Variants in CSMD1 observed in about 807,000 individuals in gnomAD.
The protein encoded by CSMD1 is CUB and Sushi multiple domains 1.
Under a neutral mutation model 417.5 loss-of-function variants are expected in CSMD1, and 213 were observed. The ratio of observed to expected loss-of-function variants is 0.51; its 90% CI spans 0.46 to 0.57. CSMD1 has a LOEUF of 0.57. Ranked by LOEUF, CSMD1 falls within the 20% of genes least tolerant of loss-of-function variation. The pLI is 0.00. For synonymous variants in CSMD1, 2,862 were observed against 1,736.8 expected (o/e 1.65, Z -16.11); for missense variants, 6,923 against 4,529.7 (o/e 1.53, Z -15.17).
At position 4,501,775 on chromosome 8, in the gene CSMD1, T is replaced by C. The variant is rs144701280; in HGVS notation, c.303-81710A>G. Among the ~76,000 whole-genome samples, 60 of 152,260 alleles carry C rather than the reference T, an allele frequency of 3.9e-4. No homozygotes were observed. In the East Asian group the frequency reaches 9.9e-3, roughly 25 times the overall value. On this transcript the variant is annotated intron_variant, in intron 2 of 69. Coordinates refer to ENST00000635120, the MANE Select transcript of CSMD1 (RefSeq NM_033225.6). The stretch of plus-strand genomic sequence containing the variant: ...CAGTAGTGCAGCATTTGTGTTCAAG[T>C]TGTCGTTATTTGACTTTATAACATG...
chr8:4,486,695 G>C (rs936132867), intron 2 of CSMD1, among the ~76,000 whole-genome samples: 1 of 151,962 alleles, frequency 6.6e-6, no homozygotes, highest in Non-Finnish European at 1.5e-5. Context: ...TTAAGCAAAA[G>C]TGAAATACAA....
At chr8:4,381,470 T>G (rs1803100804) in intron 3 of CSMD1, among the ~76,000 whole-genome samples, 1 of 152,180 alleles carries the variant, frequency 6.6e-6, no homozygotes, top group Non-Finnish European at 1.5e-5. Context: ...GTGCTAAAGA[T>G]CATTGTCTTC....
intron 1 of CSMD1, among the ~76,000 whole-genome samples, chr8:4,910,811 A>G (rs555294274): frequency 1.3e-5 from 2 of 152,338 alleles, no homozygotes; most frequent in South Asian, 2.1e-4. Flanking sequence ...CAATTGATAA[A>G]TGTCATTAGA....
intron 5 of CSMD1, among the ~76,000 whole-genome samples, chr8:3,835,763 C>T (rs544775276): frequency 1.1e-4 from 17 of 151,918 alleles, no homozygotes; most frequent in African/African-American, 4.1e-4. Context: ...ACCCTTAACC[C>T]CACCATTTGG....
intron 3 of CSMD1, among the ~76,000 whole-genome samples, chr8:4,036,685 A>G (rs1191277772): frequency 2.6e-5 from 4 of 152,230 alleles, no homozygotes. Flanking sequence ...ATGAAATTGC[A>G]TTTCTCATTG....
At chr8:3,084,595 T>C (rs1214447424) in intron 49 of CSMD1, among the ~76,000 whole-genome samples, 1 of 148,016 alleles carries the variant, frequency 6.8e-6, no homozygotes, top group East Asian at 2.0e-4. Context: ...ACTAAACAAA[T>C]AAAATCTCTC....
intron 3 of CSMD1, among the ~76,000 whole-genome samples, chr8:4,176,970 C>T (rs528494143): frequency 6.6e-5 from 10 of 151,718 alleles, no homozygotes; most frequent in African/African-American, 2.4e-4. Context: ...GACTCCCACA[C>T]AATAAAAATG....
chr8:4,577,823 G>C (rs1799207137), intron 2 of CSMD1, among the ~76,000 whole-genome samples: 1 of 152,070 alleles, frequency 6.6e-6, no homozygotes, highest in African/African-American at 2.4e-5. Flanking sequence ...TACATTCCTT[G>C]GCCTTGCATT....
At chr8:3,020,965 A>G (rs774093849) in intron 51 of CSMD1, among the ~76,000 whole-genome samples, 20 of 152,228 alleles carry the variant, frequency 1.3e-4, no homozygotes, top group Non-Finnish European at 2.4e-4. Flanking sequence ...TAAACTTTTC[A>G]TTAAGCCTTT....
chr8:3,133,473 C>T (rs768120561), intron 41 of CSMD1, among the ~76,000 whole-genome samples: 3 of 152,246 alleles, frequency 2.0e-5, no homozygotes, highest in East Asian at 1.9e-4. Context: ...GGAAGAGAGG[C>T]GCCCCTGGGA....
At chr8:3,654,235 T>C (rs995398531) in intron 7 of CSMD1, among the ~76,000 whole-genome samples, 1 of 152,182 alleles carries the variant, frequency 6.6e-6, no homozygotes, top group East Asian at 1.9e-4. Context: ...ATGTAAACCT[T>C]GGTTTTCAGG....
intron 3 of CSMD1, among the ~76,000 whole-genome samples, chr8:4,163,701 T>G (rs556515538): frequency 2.0e-5 from 3 of 152,258 alleles, no homozygotes; most frequent in Admixed American, 2.0e-4. Flanking sequence ...ATAATAAAAT[T>G]TTTTTATGGT....
At chr8:3,170,883 A>T (rs1435218022) in intron 37 of CSMD1, among the ~76,000 whole-genome samples, 1 of 152,244 alleles carries the variant, frequency 6.6e-6, no homozygotes, top group Non-Finnish European at 1.5e-5. Context: ...CATGAAAAGA[A>T]ACGAGTCAAC....
At chr8:3,449,209 T>C (rs1413283459) in intron 12 of CSMD1, among the ~76,000 whole-genome samples, 4 of 152,228 alleles carry the variant, frequency 2.6e-5, no homozygotes, top group Admixed American at 6.5e-5. Context: ...TGCATCAAAA[T>C]AGCATAAACC....
At chr8:3,841,307 G>C (rs1803117568) in intron 5 of CSMD1, among the ~76,000 whole-genome samples, 1 of 152,112 alleles carries the variant, frequency 6.6e-6, no homozygotes, top group Non-Finnish European at 1.5e-5. Flanking sequence ...AAAATGCATA[G>C]ATTGGCAAAA....
At chr8:4,057,488 G>T (rs1000408492) in intron 3 of CSMD1, among the ~76,000 whole-genome samples, 6 of 152,140 alleles carry the variant, frequency 3.9e-5, no homozygotes, top group African/African-American at 1.2e-4. Context: ...TAGGTTGCCT[G>T]TTCATTCTGA....
intron 3 of CSMD1, among the ~76,000 whole-genome samples, chr8:4,140,504 A>G (rs1803720724): frequency 7.3e-6 from 1 of 136,178 alleles, no homozygotes; most frequent in Admixed American, 7.5e-5. Flanking sequence ...AAACAAACAA[A>G]CAAACAAACA....
chr8:3,611,283 G>A (rs984379624), intron 8 of CSMD1, among the ~76,000 whole-genome samples: 1 of 151,838 alleles, frequency 6.6e-6, no homozygotes, highest in East Asian at 1.9e-4. Context: ...AGGGAGCAGG[G>A]AAAATGATTG....
intron 8 of CSMD1, among the ~76,000 whole-genome samples, chr8:3,608,936 C>T (rs1048558725): frequency 2.6e-5 from 4 of 152,112 alleles, no homozygotes; most frequent in African/African-American, 9.7e-5. Context: ...GCTTGGAATG[C>T]TGAGCTCAAG....
Sources: gnomAD v4.1 joint callset for allele counts (sites outside exome capture counted in the v4.1 genomes callset) on GRCh38, gnomAD v4.1.1 for gene constraint, MANE v1.5 for transcripts, NCBI Gene and HGNC (gene_info 2026-07-23, HGNC 2026-07-21) for gene names.